Variants in NRG3 observed in about 807,000 individuals in gnomAD.
NRG3 encodes the protein pro-neuregulin-3, membrane-bound isoform.
A neutral mutation model predicts 66.9 loss-of-function variants in NRG3; 31 were observed. The ratio of observed to expected loss-of-function variants is 0.46; its 90% confidence interval spans 0.35 to 0.63. The LOEUF is 0.63. Ranked by LOEUF, NRG3 falls within the 20% of genes least tolerant of loss-of-function variation. NRG3 has a pLI of 0.00. For synonymous variants in NRG3, 393 were observed against 359.4 expected (o/e 1.09, Z -1.06); for missense variants, 910 against 878.9 (o/e 1.04, Z -0.45).
chr10:82,105,176 C>T lies in NRG3; in HGVS notation c.823+229013C>T, dbSNP rs573551407. 5.9e-5 allele frequency among the ~76,000 whole-genome samples: 9 copies of T among 152,178 alleles called. No homozygotes were observed. In the East Asian group the frequency reaches 1.7e-3, roughly 29 times the overall value. ...AAAAAGTATTGGAGCTATTCTATGG[C>T]TATGGAATACAGATTATGATGGGCT... On this transcript the variant is annotated intron_variant, in intron 1 of 8. Coordinates refer to ENST00000372141, the MANE Select transcript of NRG3 (RefSeq NM_001010848.4).
At chr10:82,210,826 G>A (rs927160286) in intron 1 of NRG3, among the ~76,000 whole-genome samples, 1 of 151,604 alleles carries the variant, frequency 6.6e-6, no homozygotes, top group Non-Finnish European at 1.5e-5. Flanking sequence ...GCAATAATAG[G>A]TAGATATTAA....
intron 2 of NRG3, among the ~76,000 whole-genome samples, chr10:82,706,948 C>A (rs1811966): frequency 0.53 from 79,979 of 149,922 alleles, 22,869 homozygotes; most frequent in East Asian, 0.76. Context: ...GAGCTGAGAT[C>A]GCACCACTGC....
At chr10:82,103,320 A>T (rs1309118287) in intron 1 of NRG3, among the ~76,000 whole-genome samples, 1 of 152,102 alleles carries the variant, frequency 6.6e-6, no homozygotes, top group Non-Finnish European at 1.5e-5. Context: ...GAATTGGTAG[A>T]TTCAAAGTAA....
At chr10:82,717,934 C>T (rs1243063474) in intron 2 of NRG3, among the ~76,000 whole-genome samples, 3 of 151,864 alleles carry the variant, frequency 2.0e-5, no homozygotes, top group African/African-American at 7.3e-5. Flanking sequence ...AAAACAAGCC[C>T]AAACTCAGTG....
chr10:82,392,892 A>ACAT (rs1554905473), intron 2 of NRG3, among the ~76,000 whole-genome samples: 1 of 122,138 alleles, frequency 8.2e-6, no homozygotes, highest in African/African-American at 3.9e-5. Context: ...ATATATATAT[A>ACAT]TATATATTTT....
rs140649969 is a variant in NRG3, at chr10:82,793,236, C to A, written c.1027+54586C>A. On this transcript the variant is annotated intron_variant, in intron 3 of 8. Transcript: ENST00000372141. ...ACATGAATTTTGGAATTTGGATTTGCTGGCTCATTTTTGAGTGGGAGTTTG... is the reference window on the plus strand; with the variant it reads ...ACATGAATTTTGGAATTTGGATTTGATGGCTCATTTTTGAGTGGGAGTTTG... 1.7e-3 allele frequency among the ~76,000 whole-genome samples: 257 copies of A among 152,170 alleles called. 3 individuals are homozygous for A. The East Asian group carries it at 0.047, about 28-fold the overall frequency.
chr10:82,492,145 G>A (rs1223895843), intron 2 of NRG3, among the ~76,000 whole-genome samples: 1 of 152,048 alleles, frequency 6.6e-6, no homozygotes, highest in Admixed American at 6.6e-5. Flanking sequence ...AACTCTATTT[G>A]TCCATCACTT....
At chr10:81,932,878 G>T (rs577572893) in intron 1 of NRG3, among the ~76,000 whole-genome samples, 2 of 152,162 alleles carry the variant, frequency 1.3e-5, no homozygotes, top group South Asian at 4.2e-4. Flanking sequence ...GGAGGCCAAG[G>T]CGGGTGAATC....
intron 2 of NRG3, among the ~76,000 whole-genome samples, chr10:82,379,662 G>C (rs1050827945): frequency 6.6e-6 from 1 of 151,988 alleles, no homozygotes; most frequent in Non-Finnish European, 1.5e-5. Context: ...GGGGAAGAAG[G>C]ACTCTGGTTT....
chr10:82,817,295 G>T (rs1001308299), intron 3 of NRG3, among the ~76,000 whole-genome samples: 6 of 152,166 alleles, frequency 3.9e-5, no homozygotes, highest in Non-Finnish European at 7.3e-5. Flanking sequence ...CCATTTAATA[G>T]CTGAGAAAAC....
At chr10:82,182,530 C>T (rs2073499191) in intron 1 of NRG3, among the ~76,000 whole-genome samples, 1 of 151,686 alleles carries the variant, frequency 6.6e-6, no homozygotes, top group South Asian at 2.1e-4. Context: ...AACCTCTGTC[C>T]TCCTCTACCC....
chr10:82,620,906 G>A (rs909513022), intron 2 of NRG3, among the ~76,000 whole-genome samples: 3 of 151,568 alleles, frequency 2.0e-5, no homozygotes, highest in Non-Finnish European at 4.4e-5. Context: ...CTTTTGACTG[G>A]TCTCTGTGGT....
intron 2 of NRG3, among the ~76,000 whole-genome samples, chr10:82,360,541 A>T (rs1036338565): frequency 1.3e-5 from 2 of 152,242 alleles, no homozygotes; most frequent in Admixed American, 1.3e-4. Context: ...GAGATGATTC[A>T]TCTTTTCCAA....
At chr10:82,157,116 A>T (rs1317984723) in intron 1 of NRG3, among the ~76,000 whole-genome samples, 2 of 151,708 alleles carry the variant, frequency 1.3e-5, no homozygotes, top group African/African-American at 4.8e-5. Flanking sequence ...ACTATTAAGC[A>T]TTGTTAAATC....
rs532143505 is a variant in NRG3 at position 82,769,928 on chromosome 10, C to T, written c.1027+31278C>T. The stretch of plus-strand genomic sequence containing the variant: ...TATTAATAAACTTGCCAATTTAGGA[C>T]GTGATGCAGACCCAGCCCTCATTTC... On this transcript the variant is annotated intron_variant, in intron 3 of 8. Transcript: ENST00000372141. Among the ~76,000 whole-genome samples the T allele has an allele frequency of 1.2e-3, 184 of 152,166 alleles. 1 individual carries two copies. The highest frequency in any genetic ancestry group is 4.3e-3 in the African/African-American group (179 of 41,546).
intron 4 of NRG3, among the ~76,000 whole-genome samples, chr10:82,936,861 C>T (rs1202754372): frequency 2.6e-5 from 4 of 152,134 alleles, no homozygotes; most frequent in Admixed American, 2.0e-4. Context: ...ATAACAAAAT[C>T]TCCAAGAAGA....
At chr10:82,821,077 T>C (rs2061932748) in intron 3 of NRG3, among the ~76,000 whole-genome samples, 1 of 152,310 alleles carries the variant, frequency 6.6e-6, no homozygotes, top group African/African-American at 2.4e-5. Context: ...GGTATTTACT[T>C]CTTATTTCTT....
At chr10:82,465,325 A>T (rs1840573367) in intron 2 of NRG3, among the ~76,000 whole-genome samples, 1 of 152,202 alleles carries the variant, frequency 6.6e-6, no homozygotes, top group Admixed American at 6.5e-5. Flanking sequence ...GTATGACTTA[A>T]AAAGTTGTCT....
intron 4 of NRG3, among the ~76,000 whole-genome samples, chr10:82,894,568 C>CG (rs60452378): frequency 6.6e-6 from 1 of 151,600 alleles, no homozygotes; most frequent in Non-Finnish European, 1.5e-5. Flanking sequence ...TTCTCCTGTA[C>CG]TTAGAGTCCT....
Sources: allele counts gnomAD v4.1 joint callset (sites outside exome capture counted in the v4.1 genomes callset), GRCh38; gene constraint gnomAD v4.1.1; transcripts MANE v1.5; gene names NCBI Gene and HGNC (gene_info 2026-07-23, HGNC 2026-07-21).